CHRM3: variants seen among roughly 807,000 people sequenced by gnomAD.
CHRM3 encodes cholinergic receptor muscarinic 3.
Under a neutral mutation model 41.8 loss-of-function variants are expected in CHRM3, and 11 were observed. That is an observed-to-expected ratio of 0.26 (90% CI 0.17 to 0.44). The LOEUF (loss-of-function observed/expected upper bound fraction) is 0.44, where lower values mean the gene tolerates loss of function less well. Ranked by LOEUF, CHRM3 falls within the 20% of genes least tolerant of loss-of-function variation. The pLI is 1.00. For synonymous variants in CHRM3, 297 were observed against 301.4 expected (o/e 0.99, Z 0.15); for missense variants, 571 against 745.4 (o/e 0.77, Z 2.72).
chr1:239,423,693 G>A (rs1342664493), intron 1 of CHRM3, among the ~76,000 whole-genome samples: 1 of 152,092 alleles, frequency 6.6e-6, no homozygotes, highest in Non-Finnish European at 1.5e-5. Flanking sequence ...CTGGTACAGA[G>A]TAGAAGCCCA....
chr1:239,803,841 C>T (rs1414913135), intron 5 of CHRM3, among the ~76,000 whole-genome samples: 2 of 152,190 alleles, frequency 1.3e-5, no homozygotes, highest in Non-Finnish European at 2.9e-5. Context: ...GTCACCCACC[C>T]ACCCTCTCAG....
At chr1:239,758,856 T>G (rs1666456754) in intron 5 of CHRM3, among the ~76,000 whole-genome samples, 1 of 152,182 alleles carries the variant, frequency 6.6e-6, no homozygotes, top group African/African-American at 2.4e-5. Flanking sequence ...ATTCATGTAG[T>G]AGAGCTTGGA....
At chr1:239,621,445 C>T (rs1031455171) in intron 3 of CHRM3, among the ~76,000 whole-genome samples, 2 of 152,122 alleles carry the variant, frequency 1.3e-5, no homozygotes, top group Admixed American at 1.3e-4. Flanking sequence ...AAAGCTGAGA[C>T]AGGCTGAAAG....
At chr1:239,570,462 C>T (rs1273603091) in intron 3 of CHRM3, among the ~76,000 whole-genome samples, 1 of 152,126 alleles carries the variant, frequency 6.6e-6, no homozygotes, top group East Asian at 1.9e-4. Flanking sequence ...CCCTTGCTCT[C>T]CCTGGTGGAA....
rs549215154 is a variant in CHRM3 at position 239,477,878 on chromosome 1, G to A, written c.-520-14831G>A. Among the ~76,000 whole-genome samples, 14 of 152,294 alleles carry A rather than the reference G, an allele frequency of 9.2e-5. No individual in the cohort carries two copies. In the East Asian group the frequency reaches 2.3e-3, roughly 25 times the overall value. ...CTCTGGAAGTTACCAAATACAAGTAGTAACTGCTTAAGGCTTTAAAGTAAC... is the reference window on the plus strand; with the variant it reads ...CTCTGGAAGTTACCAAATACAAGTAATAACTGCTTAAGGCTTTAAAGTAAC... On this transcript the variant is annotated intron_variant, in intron 1 of 6. Coordinates refer to ENST00000676153, the MANE Select transcript of CHRM3 (RefSeq NM_001375978.1).
chr1:239,537,138 C>T (rs889354059), intron 2 of CHRM3, among the ~76,000 whole-genome samples: 11 of 152,232 alleles, frequency 7.2e-5, no homozygotes, highest in Middle Eastern at 3.4e-3. Context: ...CCAGTCTAGA[C>T]GTCTCCTGGA....
At chr1:239,635,738 C>A (rs908826071) in intron 4 of CHRM3, among the ~76,000 whole-genome samples, 1 of 152,194 alleles carries the variant, frequency 6.6e-6, no homozygotes, top group Admixed American at 6.6e-5. Flanking sequence ...ATTATAATAT[C>A]ATCTAAGCCC....
At chr1:239,760,528 G>T (rs1296745558) in intron 5 of CHRM3, among the ~76,000 whole-genome samples, 1 of 151,866 alleles carries the variant, frequency 6.6e-6, no homozygotes, top group Non-Finnish European at 1.5e-5. Flanking sequence ...GAACACACTG[G>T]GCCTTTTCCC....
At chr1:239,785,457 GTGT>G (rs1245223511) in intron 5 of CHRM3, among the ~76,000 whole-genome samples, 1 of 152,148 alleles carries the variant, frequency 6.6e-6, no homozygotes, top group East Asian at 1.9e-4. Context: ...AAAATAAATT[GTGT>G]AAACCCTTCG....
At chr1:239,830,574 C>T (rs999221901) in intron 6 of CHRM3, among the ~76,000 whole-genome samples, 6 of 152,104 alleles carry the variant, frequency 3.9e-5, no homozygotes, top group East Asian at 1.9e-4. Flanking sequence ...TGTGGTGGCG[C>T]GTGCCTGTAG....
At chr1:239,390,703 A>G (rs1414263561) in intron 1 of CHRM3, among the ~76,000 whole-genome samples, 29 of 151,834 alleles carry the variant, frequency 1.9e-4, no homozygotes, top group Non-Finnish European at 1.0e-4. Flanking sequence ...GGTTCAAGCA[A>G]TTCTCTGCCT....
intron 5 of CHRM3, among the ~76,000 whole-genome samples, chr1:239,807,607 T>C (rs967183192): frequency 1.3e-5 from 2 of 152,346 alleles, no homozygotes; most frequent in Non-Finnish European, 2.9e-5. Flanking sequence ...TAGTTTTTCT[T>C]TGGCTTAGTA....
intron 6 of CHRM3, among the ~76,000 whole-genome samples, chr1:239,857,236 G>A (rs1387492889): frequency 6.6e-6 from 1 of 152,080 alleles, no homozygotes; most frequent in Admixed American, 6.5e-5. Flanking sequence ...TTCAGCCACC[G>A]ATCTCAATAT....
chr1:239,568,717 C>T (rs9725018), intron 3 of CHRM3, among the ~76,000 whole-genome samples: 144,933 of 152,058 alleles, frequency 0.95, 69,180 homozygotes, highest in East Asian at 1. Context: ...CTCAGCCTCC[C>T]CTCTTCTTCC....
chr1:239,464,351 A>T (rs1274139716), intron 1 of CHRM3, among the ~76,000 whole-genome samples: 1 of 151,292 alleles, frequency 6.6e-6, no homozygotes, highest in Non-Finnish European at 1.5e-5. Flanking sequence ...ACATATGTAT[A>T]TCTTATTTTG....
chr1:239,428,866 T>C (rs1463578436), intron 1 of CHRM3, among the ~76,000 whole-genome samples: 1 of 152,250 alleles, frequency 6.6e-6, no homozygotes, highest in Admixed American at 6.5e-5. Flanking sequence ...TTGTCAGCTT[T>C]TTAGCATAAG....
intron 5 of CHRM3, among the ~76,000 whole-genome samples, chr1:239,745,467 A>G (rs1665267801): frequency 6.6e-6 from 1 of 151,954 alleles, no homozygotes; most frequent in Non-Finnish European, 1.5e-5. Context: ...AAAGGGACCA[A>G]TAGTGGCCTT....
At chr1:239,463,754 T>C (rs114584453) in intron 1 of CHRM3, among the ~76,000 whole-genome samples, 1 of 152,340 alleles carries the variant, frequency 6.6e-6, no homozygotes, top group African/African-American at 2.4e-5. Flanking sequence ...CATTGTTGAC[T>C]ATAGGTAAGA....
At chr1:239,673,402 C>T (rs1674564979) in intron 4 of CHRM3, among the ~76,000 whole-genome samples, 1 of 152,126 alleles carries the variant, frequency 6.6e-6, no homozygotes, top group Non-Finnish European at 1.5e-5. Flanking sequence ...AATTGATTTT[C>T]ATCATACTCT....
Sources: allele counts gnomAD v4.1 joint callset (sites outside exome capture counted in the v4.1 genomes callset), GRCh38; gene constraint gnomAD v4.1.1; transcripts MANE v1.5; gene names NCBI Gene and HGNC (gene_info 2026-07-23, HGNC 2026-07-21).